Variants in LRMDA observed in about 807,000 individuals in gnomAD.
LRMDA encodes leucine rich melanocyte differentiation associated.
LRMDA carries 18 observed loss-of-function variants against 29.8 expected under a neutral mutation model. That is an observed-to-expected ratio of 0.60 (90% CI 0.42 to 0.90). The LOEUF is 0.90. Ranked by LOEUF, LRMDA falls within the 40% of genes least tolerant of loss-of-function variation. LRMDA has a pLI of 0.00. For missense variants in LRMDA, 273 were observed against 273.9 expected, an observed-to-expected ratio of 1.00 and a Z score of 0.02; for synonymous variants, 125 against 109.4, an observed-to-expected ratio of 1.14 and a Z score of -0.89.
intron 6 of LRMDA, among the ~76,000 whole-genome samples, chr10:76,511,861 T>C (rs548323998): frequency 1.1e-4 from 17 of 149,754 alleles, no homozygotes; most frequent in African/African-American, 4.2e-4. Flanking sequence ...TTTGCAGAAA[T>C]TGACCAGCTA....
chr10:76,461,189 G>C (rs1047739614), intron 6 of LRMDA, among the ~76,000 whole-genome samples: 1 of 152,102 alleles, frequency 6.6e-6, no homozygotes, highest in African/African-American at 2.4e-5. Flanking sequence ...ATGGGAAGTA[G>C]CAAGGGGAGA....
At chr10:76,354,416 T>A (rs1841214616) in intron 6 of LRMDA, among the ~76,000 whole-genome samples, 1 of 152,322 alleles carries the variant, frequency 6.6e-6, no homozygotes, top group African/African-American at 2.4e-5. Flanking sequence ...AATTGGAAAT[T>A]GATATTTGGC....
chr10:75,862,199 C>CACACAT (rs1287894108), intron 2 of LRMDA, among the ~76,000 whole-genome samples: 1 of 151,828 alleles, frequency 6.6e-6, no homozygotes, highest in African/African-American at 2.4e-5. Flanking sequence ...CACACACACA[C>CACACAT]ACACACACAC....
Position 75,775,374 on chromosome 10 carries a change from A to G in LRMDA, c.132-260634A>G, listed in dbSNP as rs561026486. On this transcript the variant is annotated intron_variant, in intron 2 of 6. Transcript: ENST00000611255. The stretch of plus-strand genomic sequence containing the variant: ...GAGCTCAAGCAATCCTCTTGCATCA[A>G]CCTCTCCAGTAGCTGGGACTACAGG... 2.4e-4 allele frequency among the ~76,000 whole-genome samples: 37 copies of G among 152,202 alleles called. No individual in the cohort carries two copies. The South Asian group carries it at 6.4e-3, about 27-fold the overall frequency.
At chr10:76,005,538 A>G (rs1847635470) in intron 2 of LRMDA, among the ~76,000 whole-genome samples, 2 of 152,184 alleles carry the variant, frequency 1.3e-5, no homozygotes, top group African/African-American at 4.8e-5. Context: ...ACTTGAGCCC[A>G]GGAGTTTGAG....
At chr10:76,507,452 G>T (rs1842970561) in intron 6 of LRMDA, among the ~76,000 whole-genome samples, 1 of 151,876 alleles carries the variant, frequency 6.6e-6, no homozygotes, top group Non-Finnish European at 1.5e-5. Flanking sequence ...TTTTTAGTGT[G>T]ATGTAATCCT....
At chr10:76,423,247 T>C (rs1319132548) in intron 6 of LRMDA, among the ~76,000 whole-genome samples, 1 of 151,986 alleles carries the variant, frequency 6.6e-6, no homozygotes, top group Non-Finnish European at 1.5e-5. Context: ...ATGTAAAAAT[T>C]AGCCGAGTGT....
At chr10:75,828,492 G>C (rs1054410356) in intron 2 of LRMDA, among the ~76,000 whole-genome samples, 3 of 152,132 alleles carry the variant, frequency 2.0e-5, no homozygotes, top group African/African-American at 7.2e-5. Flanking sequence ...ACACAAATGT[G>C]ATCTTGGGGC....
chr10:76,373,924 A>G (rs773837060), intron 6 of LRMDA, among the ~76,000 whole-genome samples: 1 of 152,200 alleles, frequency 6.6e-6, no homozygotes, highest in Non-Finnish European at 1.5e-5. Context: ...TCTCTCCAAA[A>G]TGCAAAATGT....
At chr10:76,326,326 T>G (rs1398397516) in intron 6 of LRMDA, among the ~76,000 whole-genome samples, 1 of 152,224 alleles carries the variant, frequency 6.6e-6, no homozygotes, top group Non-Finnish European at 1.5e-5. Flanking sequence ...AAAGCCATTA[T>G]TTTTTGGCAC....
chr10:75,495,333 G>GC, intron 2 of LRMDA, among the ~76,000 whole-genome samples: 1 of 148,024 alleles, frequency 6.8e-6, no homozygotes, highest in African/African-American at 2.5e-5. Context: ...GCCTTTTATG[G>GC]TTTTTTTTTT....
chr10:76,030,268 A>G (rs900250215), intron 2 of LRMDA, among the ~76,000 whole-genome samples: 5 of 152,078 alleles, frequency 3.3e-5, no homozygotes, highest in Non-Finnish European at 7.3e-5. Context: ...GTGTGTGTAT[A>G]TATATGTATG....
At chr10:75,510,837 G>A (rs1473971769) in intron 2 of LRMDA, among the ~76,000 whole-genome samples, 4 of 152,196 alleles carry the variant, frequency 2.6e-5, no homozygotes, top group Non-Finnish European at 5.9e-5. Context: ...CCTGAGGCAG[G>A]AGAGTGGGTC....
chr10:76,176,780 G>A (rs1222993656), intron 5 of LRMDA, among the ~76,000 whole-genome samples: 2 of 152,214 alleles, frequency 1.3e-5, no homozygotes, highest in African/African-American at 2.4e-5. Context: ...GCAACAGAGC[G>A]AGACTCCGTC....
intron 2 of LRMDA, among the ~76,000 whole-genome samples, chr10:75,472,177 G>A (rs1170520748): frequency 2.0e-5 from 3 of 152,054 alleles, no homozygotes; most frequent in African/African-American, 7.2e-5. Flanking sequence ...ATAGCCTCCA[G>A]TCCCTCTGCC....
chr10:75,891,828 G>C (rs1465221183), intron 2 of LRMDA, among the ~76,000 whole-genome samples: 2 of 152,228 alleles, frequency 1.3e-5, no homozygotes, highest in African/African-American at 4.8e-5. Context: ...GCCATTTACT[G>C]GCAAGGAGGG....
intron 5 of LRMDA, among the ~76,000 whole-genome samples, chr10:76,128,073 A>G (rs1050477030): frequency 2.0e-5 from 3 of 152,234 alleles, no homozygotes; most frequent in Admixed American, 6.5e-5. Context: ...TTTTGTTTAG[A>G]GGTGAAAGGA....
chr10:75,793,142 C>T (rs931304618), intron 2 of LRMDA, among the ~76,000 whole-genome samples: 1 of 152,174 alleles, frequency 6.6e-6, no homozygotes, highest in Non-Finnish European at 1.5e-5. Context: ...TCTTTATAAG[C>T]TATACTCCAT....
At chr10:76,489,030 A>G (rs1483030192) in intron 6 of LRMDA, among the ~76,000 whole-genome samples, 1 of 151,890 alleles carries the variant, frequency 6.6e-6, no homozygotes, top group African/African-American at 2.4e-5. Flanking sequence ...CAGAATTAGC[A>G]TAGCACGAGT....
Sources: gnomAD v4.1 joint callset for allele counts (sites outside exome capture counted in the v4.1 genomes callset) on GRCh38, gnomAD v4.1.1 for gene constraint, MANE v1.5 for transcripts, NCBI Gene and HGNC (gene_info 2026-07-23, HGNC 2026-07-21) for gene names.